Variants in SPOCK3 observed in about 807,000 individuals in gnomAD.
The protein encoded by SPOCK3 is SPARC (osteonectin), cwcv and kazal like domains proteoglycan 3, also known as testican-3.
A neutral mutation model predicts 56.6 loss-of-function variants in SPOCK3; 30 were observed. The ratio of observed to expected loss-of-function variants is 0.53; its 90% confidence interval spans 0.40 to 0.72. The LOEUF is 0.72. Among genes scored for constraint, SPOCK3 ranks in the 30% least tolerant of loss-of-function variants. The probability of loss-of-function intolerance (pLI) is 0.00; values close to 1 mark genes in which losing one functional copy is unlikely to be tolerated. For missense variants in SPOCK3, 527 were observed against 530.0 expected (o/e 0.99, Z 0.06); for synonymous variants, 196 against 183.3 (o/e 1.07, Z -0.56).
At chr4:166,742,600 C>A (rs11929833) in intron 8 of SPOCK3, among the ~76,000 whole-genome samples, 2 of 151,704 alleles carry the variant, frequency 1.3e-5, no homozygotes, top group East Asian at 1.9e-4. Flanking sequence ...ATGTTAAAGA[C>A]CTTATTATAA....
At chr4:167,145,480 A>G (rs765283004) in intron 2 of SPOCK3, among the ~76,000 whole-genome samples, 1 of 152,038 alleles carries the variant, frequency 6.6e-6, no homozygotes, top group African/African-American at 2.4e-5. Flanking sequence ...ATGAGTTGTC[A>G]TGAGTAAGGC....
At chr4:166,943,633 G>A (rs1741372726) in intron 4 of SPOCK3, among the ~76,000 whole-genome samples, 1 of 152,050 alleles carries the variant, frequency 6.6e-6, no homozygotes, top group Non-Finnish European at 1.5e-5. Context: ...AGTACATAAT[G>A]TATTTCTATT....
At chr4:166,915,838 C>T (rs1737784869) in intron 4 of SPOCK3, among the ~76,000 whole-genome samples, 1 of 151,974 alleles carries the variant, frequency 6.6e-6, no homozygotes, top group Admixed American at 6.6e-5. Context: ...TTTTGATACA[C>T]CAAAGGTCAT....
chr4:166,952,222 A>T (rs968577056), intron 4 of SPOCK3, among the ~76,000 whole-genome samples: 3 of 152,208 alleles, frequency 2.0e-5, no homozygotes, highest in African/African-American at 7.2e-5. Flanking sequence ...GCTGATAAGC[A>T]ACTTCAGCAA....
At chr4:166,735,732 A>G (rs1439282234) in intron 10 of SPOCK3, among the ~76,000 whole-genome samples, 1 of 152,020 alleles carries the variant, frequency 6.6e-6, no homozygotes, top group East Asian at 1.9e-4. Context: ...CTAAGAGGTG[A>G]AAAGGGCAAG....
intron 2 of SPOCK3, among the ~76,000 whole-genome samples, chr4:167,152,426 T>C (rs1444715674): frequency 2.0e-5 from 3 of 152,132 alleles, no homozygotes; most frequent in South Asian, 2.1e-4. Flanking sequence ...CAACGAACCA[T>C]GGAGTAGTTT....
chr4:167,122,210 G>C lies in SPOCK3; in HGVS notation c.190-59673C>G, dbSNP rs1032831405. 4.0e-5 allele frequency among the ~76,000 whole-genome samples: 6 copies of C among 151,200 alleles called. No homozygotes were observed. In the East Asian group the frequency reaches 1.2e-3, roughly 30 times the overall value. On this transcript the variant is annotated intron_variant, in intron 2 of 10. Coordinates refer to ENST00000357545, the MANE Select transcript of SPOCK3 (RefSeq NM_001040159.2). Reference sequence around the variant, plus strand: ...GAGACAGGGTCTAGAATACAGTGGTGCAAGCACATCTCACTGCAGCCTACA... The same window carrying C: ...GAGACAGGGTCTAGAATACAGTGGTCCAAGCACATCTCACTGCAGCCTACA...
chr4:167,044,824 T>G (rs905558791), intron 3 of SPOCK3, among the ~76,000 whole-genome samples: 9 of 152,130 alleles, frequency 5.9e-5, no homozygotes, highest in Non-Finnish European at 1.5e-5. Flanking sequence ...GTGTGTTTTA[T>G]GTCACAGCAT....
At chr4:166,952,068 G>A (rs2150038463) in intron 4 of SPOCK3, among the ~76,000 whole-genome samples, 1 of 152,238 alleles carries the variant, frequency 6.6e-6, no homozygotes, top group South Asian at 2.1e-4. Flanking sequence ...ACATAGTGTT[G>A]GAGATTCTGG....
intron 3 of SPOCK3, among the ~76,000 whole-genome samples, chr4:167,051,426 T>C (rs1223681903): frequency 6.6e-6 from 1 of 152,242 alleles, no homozygotes; most frequent in Non-Finnish European, 1.5e-5. Flanking sequence ...GTTTCTTTCT[T>C]TGTTTTTTCC....
chr4:167,034,670 A>G (rs1203445484), intron 3 of SPOCK3, among the ~76,000 whole-genome samples: 2 of 152,172 alleles, frequency 1.3e-5, no homozygotes, highest in Admixed American at 6.6e-5. Context: ...TCCAAGATCT[A>G]TATCTGGTGA....
chr4:166,743,245 A>T (rs1199691347), intron 8 of SPOCK3, among the ~76,000 whole-genome samples: 1 of 152,092 alleles, frequency 6.6e-6, no homozygotes, highest in Admixed American at 6.6e-5. Context: ...ATAATATACT[A>T]TATCTTATTG....
At chr4:167,048,490 C>A (rs1283143284) in intron 3 of SPOCK3, among the ~76,000 whole-genome samples, 2 of 152,046 alleles carry the variant, frequency 1.3e-5, no homozygotes, top group African/African-American at 4.8e-5. Flanking sequence ...AAGATCCTGA[C>A]AACTGTATAA....
chr4:167,090,490 A>G (rs1758606931), intron 2 of SPOCK3, among the ~76,000 whole-genome samples: 1 of 151,924 alleles, frequency 6.6e-6, no homozygotes, highest in African/African-American at 2.4e-5. Flanking sequence ...CTGAGGCAAC[A>G]GTAGTAGATA....
intron 3 of SPOCK3, among the ~76,000 whole-genome samples, chr4:167,007,337 TTAAG>T (rs1263446316): frequency 5.3e-5 from 8 of 152,218 alleles, no homozygotes; most frequent in Admixed American, 1.3e-4. Context: ...CTTGTACAGT[TTAAG>T]TAATCCCTAG....
chr4:166,914,600 G>A (rs1181923470), intron 4 of SPOCK3, among the ~76,000 whole-genome samples: 5 of 152,048 alleles, frequency 3.3e-5, no homozygotes, highest in African/African-American at 7.2e-5. Context: ...GAGAAATCCC[G>A]TCTCTACTAA....
rs901846399 is a variant in SPOCK3, at chr4:167,123,740, CTTTT to C, written c.190-61207_190-61204del. 2.5e-5 allele frequency among the ~76,000 whole-genome samples: 3 copies of C among 118,380 alleles called. 1 individual carries two copies. The highest frequency in any genetic ancestry group is 6.4e-5 in the African/African-American group (2 of 31,452). 77.7% of individuals were successfully genotyped at this position (118,380 alleles called of 152,430 possible). A position where few individuals can be genotyped will look rare whatever the true frequency, so the allele number is the denominator to read the frequency against. ...ACAGCTCCAACAAGACATTTCTTTTCTTTTTTTTTTTTTTTTTTTTTAAGACTGA... is the reference window on the plus strand; with the variant it reads ...ACAGCTCCAACAAGACATTTCTTTTCTTTTTTTTTTTTTTTTTAAGACTGA... On this transcript the variant is annotated intron_variant, in intron 2 of 10. Coordinates refer to ENST00000357545, the MANE Select transcript of SPOCK3 (RefSeq NM_001040159.2).
rs373166861 is a variant in SPOCK3 at position 167,173,673 on chromosome 4, A to C, written c.189+60312T>G. On this transcript the variant is annotated intron_variant, in intron 2 of 10. Transcript: ENST00000357545. ...ATCGAACAGGCGTATTTGAGTGCCT[A>C]CTGAGTAATGGGTACTGTGCTTAAT... Among the ~76,000 whole-genome samples, 6 of 152,248 alleles carry C rather than the reference A, an allele frequency of 3.9e-5. No individual in the cohort carries two copies. In the East Asian group the frequency reaches 1.2e-3, roughly 29 times the overall value.
intron 2 of SPOCK3, among the ~76,000 whole-genome samples, chr4:167,208,336 T>C (rs1051506297): frequency 6.6e-6 from 1 of 152,184 alleles, no homozygotes; most frequent in African/African-American, 2.4e-5. Flanking sequence ...TTATTCATAG[T>C]TGTTCCCTCT....
Sources: gnomAD v4.1 joint callset for allele counts (sites outside exome capture counted in the v4.1 genomes callset) on GRCh38, gnomAD v4.1.1 for gene constraint, MANE v1.5 for transcripts, NCBI Gene and HGNC (gene_info 2026-07-23, HGNC 2026-07-21) for gene names.